Variants in MALRD1 observed in about 807,000 individuals in gnomAD.
MALRD1 encodes the protein MAM and LDL-receptor class A domain-containing protein 1.
In MALRD1, 247 loss-of-function variants were observed where a neutral mutation model predicts 242.1. The ratio of observed to expected loss-of-function variants is 1.02; its 90% CI spans 0.92 to 1.13. MALRD1 has a LOEUF of 1.13. MALRD1 is among the 50% of genes most tolerant of loss of function. The pLI is 0.00. For missense variants in MALRD1, 2,989 were observed against 2,533.1 expected, an observed-to-expected ratio of 1.18 and a Z score of -3.86; for synonymous variants, 995 against 866.6, an observed-to-expected ratio of 1.15 and a Z score of -2.60.
chr10:19,429,295 C>T (rs1348607569), intron 28 of MALRD1, among the ~76,000 whole-genome samples: 2 of 150,900 alleles, frequency 1.3e-5, no homozygotes, highest in African/African-American at 2.5e-5. Context: ...TTAGGCCGGG[C>T]GTGGTGGCTC....
At position 19,258,814 on chromosome 10, in the gene MALRD1, C is replaced by T. The variant is rs117545158; in HGVS notation, c.3079+1043C>T. ...CAGAATTGAACAAATTTACCCTTAC[C>T]TCTCAATGCCTAAAAGTGAATTCCT... On this transcript the variant is annotated intron_variant, in intron 19 of 39. Transcript: ENST00000454679. 5.1e-3 allele frequency among the ~76,000 whole-genome samples: 769 copies of T among 152,234 alleles called. 2 individuals are homozygous for T. The highest frequency in any genetic ancestry group is 0.013 in the African/African-American group (536 of 41,548).
intron 29 of MALRD1, among the ~76,000 whole-genome samples, chr10:19,486,676 C>T (rs543228584): frequency 3.9e-5 from 6 of 152,190 alleles, no homozygotes; most frequent in African/African-American, 1.4e-4. Context: ...TCTGGAATCT[C>T]AGAGCATATT....
At chr10:19,082,959 T>A (rs1285623255) in intron 2 of MALRD1, among the ~76,000 whole-genome samples, 2 of 152,028 alleles carry the variant, frequency 1.3e-5, no homozygotes, top group Non-Finnish European at 2.9e-5. Flanking sequence ...AAGTGTCTGA[T>A]GAAGGACGAC....
chr10:19,497,815 A>C (rs1837789700), intron 30 of MALRD1, among the ~76,000 whole-genome samples: 1 of 152,200 alleles, frequency 6.6e-6, no homozygotes, highest in Middle Eastern at 3.2e-3. Context: ...CAAAAAAAAG[A>C]AAAATGAAAG....
In MALRD1 at chr10:19,135,081, C is replaced by A. The variant is rs1223011534; in HGVS notation, c.1203+1133C>A. Among the ~76,000 whole-genome samples the A allele has an allele frequency of 4.6e-5, 7 of 152,188 alleles. No individual in the cohort carries two copies. The East Asian group carries it at 1.3e-3, about 29-fold the overall frequency. The stretch of plus-strand genomic sequence containing the variant: ...TTAAATTTAATATTATTTTCTAAAC[C>A]AAATTATTAGACATATTTGCAAACT... On this transcript the variant is annotated intron_variant, in intron 9 of 39. Transcript: ENST00000454679.
intron 34 of MALRD1, among the ~76,000 whole-genome samples, chr10:19,598,058 T>C (rs1256547673): frequency 1.3e-5 from 2 of 152,106 alleles, no homozygotes; most frequent in African/African-American, 4.8e-5. Flanking sequence ...CCTGCCACCA[T>C]GCCAGTGCTA....
intron 3 of MALRD1, 44 bp downstream of exon 3, chr10:19,087,978 G>C: frequency 1.6e-6 from 2 of 1,232,440 alleles, no homozygotes. Context: ...GTCACATTTG[G>C]GGACTTCTTT....
intron 18 of MALRD1, among the ~76,000 whole-genome samples, chr10:19,219,050 AT>A (rs1029995455): frequency 3.3e-5 from 5 of 152,134 alleles, no homozygotes; most frequent in Admixed American, 3.3e-4. Flanking sequence ...ATAAAGAATA[AT>A]TTATTCCAAA....
chr10:19,227,930 C>T (rs547730370), intron 18 of MALRD1, among the ~76,000 whole-genome samples: 1 of 152,244 alleles, frequency 6.6e-6, no homozygotes, highest in East Asian at 1.9e-4. Flanking sequence ...ACTGTACACC[C>T]ACTGGAGTGG....
intron 8 of MALRD1, among the ~76,000 whole-genome samples, chr10:19,132,066 A>C (rs1833132141): frequency 6.6e-6 from 1 of 152,176 alleles, no homozygotes; most frequent in Admixed American, 6.5e-5. Flanking sequence ...CTTATGAAAA[A>C]CCATTTAAGT....
In MALRD1 at chr10:19,223,544, A is replaced by G. The variant is rs1302748121; in HGVS notation, c.2991+13864A>G. Among the ~76,000 whole-genome samples the G allele has an allele frequency of 2.6e-5, 4 of 152,092 alleles. No individual in the cohort carries two copies. The East Asian group carries it at 5.8e-4, about 22-fold the overall frequency. On this transcript the variant is annotated intron_variant, in intron 18 of 39. Coordinates refer to ENST00000454679, the MANE Select transcript of MALRD1 (RefSeq NM_001142308.3). ...TACATTTACATTTACATTTGTGTGTATATATATACGCACATACATACACTT... is the reference window on the plus strand; with the variant it reads ...TACATTTACATTTACATTTGTGTGTGTATATATACGCACATACATACACTT...
chr10:19,098,591 GAAAT>G (rs1279649189), intron 4 of MALRD1, among the ~76,000 whole-genome samples: 1 of 151,980 alleles, frequency 6.6e-6, no homozygotes, highest in Admixed American at 6.6e-5. Context: ...GTTTGCTTGG[GAAAT>G]AAATGGAATG....
chr10:19,292,617 G>A lies in MALRD1; in HGVS notation c.3419+9436G>A, dbSNP rs534672011. 3.9e-4 allele frequency among the ~76,000 whole-genome samples: 59 copies of A among 152,268 alleles called. No homozygotes were observed. The South Asian group carries it at 9.5e-3, about 25-fold the overall frequency. The stretch of plus-strand genomic sequence containing the variant: ...AAGCCACATAAATAATGCAGGCCGG[G>A]CGGGGTGGTTCACGCCTGTAATCCC... On this transcript the variant is annotated intron_variant, in intron 21 of 39. Coordinates refer to ENST00000454679, the MANE Select transcript of MALRD1 (RefSeq NM_001142308.3).
chr10:19,379,973 ATTTTTTT>A (rs35629873), intron 26 of MALRD1, among the ~76,000 whole-genome samples: 1 of 130,606 alleles, frequency 7.7e-6, no homozygotes, highest in South Asian at 2.4e-4. Context: ...TTTTTATTTA[ATTTTTTT>A]TTTTTTTTTT....
At chr10:19,271,309 G>C (rs1301485121) in intron 19 of MALRD1, among the ~76,000 whole-genome samples, 4 of 152,166 alleles carry the variant, frequency 2.6e-5, no homozygotes, top group African/African-American at 9.7e-5. Flanking sequence ...GTACTATCTT[G>C]AGGAAAATAC....
chr10:19,250,120 T>G (rs1839235411), intron 18 of MALRD1, among the ~76,000 whole-genome samples: 1 of 152,020 alleles, frequency 6.6e-6, no homozygotes, highest in South Asian at 2.1e-4. Flanking sequence ...TTTAAGAATT[T>G]TAAAACTATG....
intron 28 of MALRD1, among the ~76,000 whole-genome samples, chr10:19,441,295 G>A (rs1589078298): frequency 1.3e-5 from 2 of 152,256 alleles, no homozygotes; most frequent in East Asian, 1.9e-4. Context: ...TAGATTGCCT[G>A]TTCACTCTGA....
intron 29 of MALRD1, among the ~76,000 whole-genome samples, chr10:19,452,687 C>A (rs1020740353): frequency 2.6e-5 from 4 of 152,114 alleles, no homozygotes; most frequent in Admixed American, 6.6e-5. Context: ...TAGCTTTATG[C>A]AGGTGAAATA....
intron 38 of MALRD1, among the ~76,000 whole-genome samples, chr10:19,712,337 A>G (rs898255148): frequency 4.6e-5 from 7 of 152,224 alleles, no homozygotes; most frequent in Non-Finnish European, 1.0e-4. Flanking sequence ...TAAAATAACT[A>G]CAAGAAAATG....
Sources: gnomAD v4.1 joint callset for allele counts (sites outside exome capture counted in the v4.1 genomes callset) on GRCh38, gnomAD v4.1.1 for gene constraint, MANE v1.5 for transcripts, NCBI Gene and HGNC (gene_info 2026-07-23, HGNC 2026-07-21) for gene names.